The following TCF7L1 variants were observed in gnomAD, a reference collection of about 807,000 sequenced individuals.
The protein encoded by TCF7L1 is transcription factor 7 like 1.
A neutral mutation model predicts 63.7 loss-of-function variants in TCF7L1; 18 were observed. The ratio of observed to expected loss-of-function variants is 0.28; its 90% CI spans 0.20 to 0.42. TCF7L1 has a LOEUF of 0.42. Ranked by LOEUF, TCF7L1 falls within the 10% of genes least tolerant of loss-of-function variation. TCF7L1 has a pLI of 1.00. For missense variants in TCF7L1, 654 were observed against 779.3 expected, an observed-to-expected ratio of 0.84 and a Z score of 1.91; for synonymous variants, 355 against 340.9, an observed-to-expected ratio of 1.04 and a Z score of -0.46.
chr2:85,304,212 T>G (rs753168140), intron 6 of TCF7L1, 43 bp from the exon 7 acceptor site: 2,128 of 1,508,578 alleles, frequency 1.4e-3, no homozygotes, highest in Non-Finnish European at 1.8e-3. Flanking sequence ...TCCTCTGCCC[T>G]GAGCTTTCCC....
intron 3 of TCF7L1, among the ~76,000 whole-genome samples, chr2:85,193,968 T>TAA (rs61625799): frequency 6.9e-6 from 1 of 145,788 alleles, no homozygotes; most frequent in Non-Finnish European, 1.5e-5. Context: ...TTTAAAAGTT[T>TAA]AAAAAAAAAA....
intron 3 of TCF7L1, among the ~76,000 whole-genome samples, chr2:85,141,678 T>C (rs557174645): frequency 6.6e-6 from 1 of 152,042 alleles, no homozygotes; most frequent in Non-Finnish European, 1.5e-5. Context: ...TGAAGATGAA[T>C]GGGAAAGAAG....
intron 3 of TCF7L1, among the ~76,000 whole-genome samples, chr2:85,273,864 G>T (rs763435112): frequency 6.6e-6 from 1 of 152,134 alleles, no homozygotes; most frequent in Admixed American, 6.5e-5. Context: ...GCAGAGTGGC[G>T]TGGGTGGGTA....
chr2:85,302,574 T>TCCCCAACCCC lies in TCF7L1; in HGVS notation c.620_621insAACCCCCCCC (p.Pro208ThrfsTer163). 4 of 1,611,540 alleles carry TCCCCAACCCC rather than the reference T, an allele frequency of 2.5e-6. No homozygotes were observed. The highest frequency in any genetic ancestry group is 3.4e-6 in the Non-Finnish European group (4 of 1,178,208). Reference sequence around the variant, plus strand: ...CAGCAATGACCACTTCTCCCCCGGCTCCCCTCCCACCCACCTCTCCCCAGA... The same window carrying TCCCCAACCCC: ...CAGCAATGACCACTTCTCCCCCGGCTCCCCAACCCCCCCCTCCCACCCACCTCTCCCCAGA... On this transcript the variant is annotated frameshift_variant, in exon 5 of 12. Coordinates refer to ENST00000282111, the MANE Select transcript of TCF7L1 (RefSeq NM_031283.3). LOFTEE classifies it high-confidence loss of function.
intron 3 of TCF7L1, among the ~76,000 whole-genome samples, chr2:85,233,435 T>G (rs1334208613): frequency 6.6e-6 from 1 of 151,144 alleles, no homozygotes; most frequent in Non-Finnish European, 1.5e-5. Context: ...CCTGCCTCAG[T>G]CTCCTGAGTA....
chr2:85,186,069 C>A (rs1678915350), intron 3 of TCF7L1, among the ~76,000 whole-genome samples: 1 of 150,718 alleles, frequency 6.6e-6, no homozygotes. Flanking sequence ...CAGGTTCACT[C>A]CGTTCTCCTG....
intron 3 of TCF7L1, among the ~76,000 whole-genome samples, chr2:85,141,218 GAC>G (rs994460903): frequency 4.1e-4 from 29 of 71,026 alleles, no homozygotes; most frequent in Non-Finnish European, 5.4e-5. Flanking sequence ...TTGGGTGACA[GAC>G]AGTGAGACCC....
intron 3 of TCF7L1, among the ~76,000 whole-genome samples, chr2:85,172,732 A>C (rs1021369208): frequency 1.3e-5 from 2 of 151,992 alleles, no homozygotes; most frequent in Non-Finnish European, 1.5e-5. Context: ...GGCCACCTAG[A>C]ACATTCTTTA....
chr2:85,262,407 T>C (rs1191701926), intron 3 of TCF7L1: 2 of 378,436 alleles, frequency 5.3e-6, no homozygotes, highest in East Asian at 1.4e-4. Flanking sequence ...AAAAAAAAAC[T>C]AAAAAGAATA....
intron 4 of TCF7L1, among the ~76,000 whole-genome samples, chr2:85,288,209 CAG>C (rs1401588223): frequency 5.9e-5 from 9 of 152,140 alleles, no homozygotes; most frequent in Admixed American, 2.6e-4. Flanking sequence ...GCAGAGGTAA[CAG>C]AGATAATGAG....
intron 3 of TCF7L1, among the ~76,000 whole-genome samples, chr2:85,249,288 G>A (rs1008177918): frequency 2.6e-4 from 39 of 152,222 alleles, no homozygotes; most frequent in African/African-American, 8.9e-4. Flanking sequence ...TCCCTCGCTG[G>A]CCTGTGCTGG....
intron 3 of TCF7L1, among the ~76,000 whole-genome samples, chr2:85,240,416 C>T (rs1034151096): frequency 1.3e-5 from 2 of 152,172 alleles, no homozygotes; most frequent in East Asian, 3.9e-4. Flanking sequence ...ATGGGAACTT[C>T]CCTCCTGTTT....
chr2:85,279,752 C>T (rs1235287663), intron 3 of TCF7L1, among the ~76,000 whole-genome samples: 1 of 152,118 alleles, frequency 6.6e-6, no homozygotes, highest in African/African-American at 2.4e-5. Context: ...GAGTGAGTCC[C>T]TCCCTACACA....
intron 3 of TCF7L1, among the ~76,000 whole-genome samples, chr2:85,138,960 T>G (rs1369793772): frequency 6.6e-6 from 1 of 152,182 alleles, no homozygotes; most frequent in Non-Finnish European, 1.5e-5. Flanking sequence ...AGAGACACCT[T>G]TTACATGCCA....
At chr2:85,302,447 C>T in intron 4 of TCF7L1, 37 bp from the exon 5 acceptor site, 1 of 1,613,938 alleles carries the variant, frequency 6.2e-7, no homozygotes, top group Non-Finnish European at 8.5e-7. Context: ...TCTCCATCTC[C>T]TTGGCAACCA....
intron 3 of TCF7L1, among the ~76,000 whole-genome samples, chr2:85,181,124 T>C (rs1476776828): frequency 6.6e-6 from 1 of 151,996 alleles, no homozygotes; most frequent in African/African-American, 2.4e-5. Context: ...TGGGGCTTCT[T>C]TTTGGGGGAT....
In TCF7L1 at chr2:85,309,702, G is replaced by T. The variant is rs1206735864; in HGVS notation, c.*240G>T. ...TTATAAGAAAGAGAACTGAAAAGTA[G>T]CGTGCTATTCGTCCTGTAGGTGCTG... On this transcript the variant is annotated 3_prime_UTR_variant, in exon 12 of 12. Coordinates refer to ENST00000282111, the MANE Select transcript of TCF7L1 (RefSeq NM_031283.3). 2.3e-6 allele frequency: 1 copy of T among 443,588 alleles called. No individual in the cohort carries two copies. Among genetic ancestry groups the T allele is most frequent in the Non-Finnish European group, 3.9e-6 (1 of 255,024 alleles). The allele number at this position is 443,588 out of a possible 1,614,324, so 27.5% of individuals were successfully genotyped here.
intron 3 of TCF7L1, among the ~76,000 whole-genome samples, chr2:85,254,992 G>T (rs886498371): frequency 3.9e-5 from 6 of 152,322 alleles, no homozygotes; most frequent in Admixed American, 6.5e-5. Context: ...GTCTTGAGAG[G>T]TGGTGACCTT....
intron 3 of TCF7L1, among the ~76,000 whole-genome samples, chr2:85,227,193 G>T (rs1679976325): frequency 6.6e-6 from 1 of 152,028 alleles, no homozygotes; most frequent in South Asian, 2.1e-4. Context: ...TTTATCTTTG[G>T]ACTTCTCTTC....
Sources: gnomAD v4.1 joint callset for allele counts (sites outside exome capture counted in the v4.1 genomes callset) on GRCh38, gnomAD v4.1.1 for gene constraint, MANE v1.5 for transcripts, NCBI Gene and HGNC (gene_info 2026-07-23, HGNC 2026-07-21) for gene names.